MAPRE1: variants seen among roughly 807,000 people sequenced by gnomAD.
MAPRE1 encodes microtubule associated protein RP/EB family member 1.
Under a neutral mutation model 32.1 loss-of-function variants are expected in MAPRE1, and 5 were observed. That is an observed-to-expected ratio of 0.16 (90% CI 0.08 to 0.33). The LOEUF (loss-of-function observed/expected upper bound fraction) is 0.33, where lower values mean the gene tolerates loss of function less well. MAPRE1 is among the 10% of genes least tolerant of loss of function. The pLI is 1.00. For missense variants in MAPRE1, 209 were observed against 327.2 expected, an observed-to-expected ratio of 0.64 and a Z score of 2.79; for synonymous variants, 122 against 118.9, an observed-to-expected ratio of 1.03 and a Z score of -0.17.
intron 1 of MAPRE1, among the ~76,000 whole-genome samples, chr20:32,822,432 A>T (rs1311048254): frequency 6.6e-6 from 1 of 152,192 alleles, no homozygotes; most frequent in East Asian, 1.9e-4. Context: ...GAACAGATTG[A>T]CACAGACAAA....
intron 2 of MAPRE1, among the ~76,000 whole-genome samples, chr20:32,827,389 T>C (rs989670821): frequency 6.7e-6 from 1 of 150,200 alleles, no homozygotes; most frequent in African/African-American, 2.4e-5. Context: ...GCCTGGGTGA[T>C]AAGAGCGAGA....
At position 32,843,891 on chromosome 20, in the gene MAPRE1, TCA is replaced by T. The variant is rs1007806229; in HGVS notation, c.598-2722_598-2721del. Among the ~76,000 whole-genome samples, 75 of 151,994 alleles carry T rather than the reference TCA, an allele frequency of 4.9e-4. 1 individual carries two copies. The highest frequency in any genetic ancestry group is 1.7e-3 in the African/African-American group (71 of 41,446). On this transcript the variant is annotated intron_variant, in intron 5 of 6. Coordinates refer to ENST00000375571, the MANE Select transcript of MAPRE1 (RefSeq NM_012325.3). ...CTTTTGGAGATGGAGTTTTGCTCTG[TCA>T]CACAGGCTGGAGTGCAGTGGCGTGA...
chr20:32,835,696 C>T (rs1040882268), intron 3 of MAPRE1, among the ~76,000 whole-genome samples: 1 of 151,734 alleles, frequency 6.6e-6, no homozygotes. Flanking sequence ...ACCTCCACCT[C>T]CCGGGTTCAA....
chr20:32,834,010 G>A (rs1983113453), intron 3 of MAPRE1, 148 bp downstream of exon 3: 8 of 719,058 alleles, frequency 1.1e-5, no homozygotes, highest in Non-Finnish European at 1.7e-5. Context: ...TTTACTGGGA[G>A]CAGTTTGCCC....
At chr20:32,832,678 G>A (rs1983068531) in intron 2 of MAPRE1, among the ~76,000 whole-genome samples, 1 of 151,954 alleles carries the variant, frequency 6.6e-6, no homozygotes, top group African/African-American at 2.4e-5. Context: ...ATGTTGCCCA[G>A]GCTGTTCTCG....
In MAPRE1 at chr20:32,843,489, A is replaced by G. The variant is rs528933532; in HGVS notation, c.598-3129A>G. ...GTGAGTCAGAAGTGTGAGCTACCTG[A>G]TTTACATGGTCTAGTAGCTACATTA... is the stretch of plus-strand genomic sequence containing the variant. On this transcript the variant is annotated intron_variant, in intron 5 of 6. Coordinates refer to ENST00000375571, the MANE Select transcript of MAPRE1 (RefSeq NM_012325.3). The G allele has an allele frequency of 6.6e-5, 10 of 152,340 alleles. No homozygotes were observed. In the East Asian group the frequency reaches 1.7e-3, roughly 26 times the overall value. The allele number at this position is 152,340 out of a possible 1,614,324, so 9.4% of individuals were successfully genotyped here.
rs1468161617 is a variant in MAPRE1, at chr20:32,836,704, A to G, written c.338A>G (p.Lys113Arg). ...TTTGAATTCGTTCAGTGGTTCAAGA[A>G]GTTTTTCGATGCAAACTATGATGGA... ...DNFEFVQWFK[K>R]FFDANYDGKD... Residue 113 changes from lysine to arginine, a missense_variant, in exon 4 of 7, where the codon AAG becomes AGG. Coordinates refer to ENST00000375571, the MANE Select transcript of MAPRE1 (RefSeq NM_012325.3). 1 of 1,613,648 alleles carries G rather than the reference A, an allele frequency of 6.2e-7. No homozygotes were observed. Among genetic ancestry groups the G allele is most frequent in the East Asian group, 2.2e-5 (1 of 44,886 alleles).
intron 1 of MAPRE1, among the ~76,000 whole-genome samples, chr20:32,820,316 G>A (rs1982656614): frequency 6.6e-6 from 1 of 152,108 alleles, no homozygotes; most frequent in Admixed American, 6.5e-5. Context: ...CTGCGCTGCA[G>A]CGACTGGAGG....
At chr20:32,821,261 T>C (rs985247931) in intron 1 of MAPRE1, among the ~76,000 whole-genome samples, 2 of 152,166 alleles carry the variant, frequency 1.3e-5, no homozygotes, top group African/African-American at 4.8e-5. Context: ...AAGTGATCTG[T>C]CCGCCTCGGC....
At chr20:32,829,164 G>T (rs1470198627) in intron 2 of MAPRE1, among the ~76,000 whole-genome samples, 1 of 152,012 alleles carries the variant, frequency 6.6e-6, no homozygotes, top group African/African-American at 2.4e-5. Context: ...CGCCCACCTC[G>T]GCCTCCCAAA....
At chr20:32,827,370 T>C (rs1252772177) in intron 2 of MAPRE1, among the ~76,000 whole-genome samples, 4 of 151,904 alleles carry the variant, frequency 2.6e-5, no homozygotes, top group Non-Finnish European at 5.9e-5. Flanking sequence ...ATCGCACCAC[T>C]GCACTCCAGC....
intron 2 of MAPRE1, among the ~76,000 whole-genome samples, chr20:32,826,988 G>A (rs1028373527): frequency 6.6e-6 from 1 of 152,188 alleles, no homozygotes; most frequent in African/African-American, 2.4e-5. Context: ...ACTGTCTGCT[G>A]TTCTAGTTTT....
chr20:32,848,478 G>A (rs757019417), intron 6 of MAPRE1, among the ~76,000 whole-genome samples, 194 bp from the exon 7 acceptor site: 12 of 152,164 alleles, frequency 7.9e-5, no homozygotes, highest in Non-Finnish European at 1.6e-4. Flanking sequence ...AAGTTTGAGG[G>A]TAAATTTGAC....
In MAPRE1 at chr20:32,825,915, C is replaced by T; in HGVS notation, c.-3-10C>T. 6.3e-7 allele frequency: 1 copy of T among 1,576,698 alleles called. No individual in the cohort carries two copies. The highest frequency in any genetic ancestry group is 8.7e-7 in the Non-Finnish European group (1 of 1,151,324). On this transcript the variant is annotated splice_polypyrimidine_tract_variant and intron_variant, in intron 1 of 6. Transcript: ENST00000375571. Reference sequence around the variant, plus strand: ...AACACAGGCCCTTCTCTTTTCTTCCCATGCTTTAGAAGATGGCAGTGAACG... The same window carrying T: ...AACACAGGCCCTTCTCTTTTCTTCCTATGCTTTAGAAGATGGCAGTGAACG...
At chr20:32,846,024 T>C (rs1365450193) in intron 5 of MAPRE1, among the ~76,000 whole-genome samples, 1 of 152,226 alleles carries the variant, frequency 6.6e-6, no homozygotes, top group African/African-American at 2.4e-5. Context: ...GGAATGAAGA[T>C]GCCCCATGGT....
chr20:32,835,001 G>C (rs1265887175), intron 3 of MAPRE1, among the ~76,000 whole-genome samples: 1 of 152,124 alleles, frequency 6.6e-6, no homozygotes, highest in East Asian at 1.9e-4. Context: ...TTTGTCAGAG[G>C]GGTGGATATA....
At chr20:32,836,598 T>TC in intron 3 of MAPRE1, 36 bp from the exon 4 acceptor site, 1 of 1,307,342 alleles carries the variant, frequency 7.6e-7, no homozygotes, top group Non-Finnish European at 1.1e-6. Context: ...GCCAAAAGCC[T>TC]CTTTTTTGGG....
At position 32,844,439 on chromosome 20, in the gene MAPRE1, CTTTTTTTTTT is replaced by C. The variant is rs71190880; in HGVS notation, c.598-2157_598-2148del. 1.2e-3 allele frequency among the ~76,000 whole-genome samples: 63 copies of C among 52,046 alleles called. No homozygotes were observed. The East Asian group carries it at 0.013, about 11-fold the overall frequency. 34.1% of individuals were successfully genotyped at this position (52,046 alleles called of 152,430 possible). ...CTAGGTGGATACCAAGCTAGCATTCCTTTTTTTTTTTTTTTTTTTTTTTTTTTTTTTGTGG... is the reference window on the plus strand; with the variant it reads ...CTAGGTGGATACCAAGCTAGCATTCCTTTTTTTTTTTTTTTTTTTTTGTGG... On this transcript the variant is annotated intron_variant, in intron 5 of 6. Coordinates refer to ENST00000375571, the MANE Select transcript of MAPRE1 (RefSeq NM_012325.3).
chr20:32,828,451 C>T (rs962875900), intron 2 of MAPRE1, among the ~76,000 whole-genome samples: 5 of 152,202 alleles, frequency 3.3e-5, no homozygotes, highest in South Asian at 2.1e-4. Context: ...ATGTGCTGAT[C>T]GGGCTCTAGG....
Sources: allele counts gnomAD v4.1 joint callset (sites outside exome capture counted in the v4.1 genomes callset), GRCh38; gene constraint gnomAD v4.1.1; transcripts MANE v1.5; gene names NCBI Gene and HGNC (gene_info 2026-07-23, HGNC 2026-07-21).